Variants in TJP1 observed in about 807,000 individuals in gnomAD.
TJP1 encodes the protein tight junction protein 1, also known as tight junction protein ZO-1.
A neutral mutation model predicts 194.2 loss-of-function variants in TJP1; 43 were observed. The ratio of observed to expected loss-of-function variants is 0.22; its 90% confidence interval spans 0.17 to 0.29. The LOEUF (loss-of-function observed/expected upper bound fraction) is 0.29. Among genes scored for constraint, TJP1 ranks in the 10% least tolerant of loss-of-function variants. TJP1 has a pLI of 1.00. For synonymous variants in TJP1, 801 were observed against 779.0 expected (o/e 1.03, Z -0.47); for missense variants, 1,971 against 2,185.7 (o/e 0.90, Z 1.96).
intron 2 of TJP1, among the ~76,000 whole-genome samples, chr15:29,950,346 C>T (rs979886767): frequency 2.6e-5 from 4 of 151,784 alleles, no homozygotes; most frequent in African/African-American, 7.3e-5. Context: ...GCCACCACCA[C>T]CACCTCCATT....
intron 2 of TJP1, among the ~76,000 whole-genome samples, chr15:29,781,429 A>G (rs2047365177): frequency 6.6e-6 from 1 of 152,200 alleles, no homozygotes; most frequent in African/African-American, 2.4e-5. Context: ...AACTATTCCC[A>G]AAAACTGAAG....
At chr15:29,886,221 T>C (rs937548272) in intron 2 of TJP1, among the ~76,000 whole-genome samples, 1 of 152,216 alleles carries the variant, frequency 6.6e-6, no homozygotes. Flanking sequence ...GAAATGTCTC[T>C]GCAAAACTTA....
At chr15:29,948,841 C>T (rs781609715) in intron 2 of TJP1, among the ~76,000 whole-genome samples, 2 of 151,938 alleles carry the variant, frequency 1.3e-5, no homozygotes, top group Non-Finnish European at 2.9e-5. Context: ...GACCTCAGAA[C>T]GTGAAAGACT....
chr15:29,739,894 TAC>T (rs1385783588), intron 10 of TJP1, among the ~76,000 whole-genome samples: 1 of 152,226 alleles, frequency 6.6e-6, no homozygotes, highest in Non-Finnish European at 1.5e-5. Context: ...ATTAAAATTG[TAC>T]AGTTTTAAAC....
At chr15:29,871,883 GA>G (rs2052537832) in intron 2 of TJP1, among the ~76,000 whole-genome samples, 1 of 152,234 alleles carries the variant, frequency 6.6e-6, no homozygotes, top group African/African-American at 2.4e-5. Context: ...CATAAGACAT[GA>G]GAAGTATAAA....
chr15:29,705,490 A>C, intron 26 of TJP1, 38 bp downstream of exon 26: 1 of 1,601,770 alleles, frequency 6.2e-7, no homozygotes, highest in Non-Finnish European at 8.5e-7. Flanking sequence ...GGCAACTCTT[A>C]AGTTATCAAA....
chr15:29,942,808 G>T (rs1029874144), intron 2 of TJP1, among the ~76,000 whole-genome samples: 1 of 152,232 alleles, frequency 6.6e-6, no homozygotes, highest in Non-Finnish European at 1.5e-5. Context: ...GCTGGCAAGG[G>T]CAGGCCCGGG....
chr15:29,817,240 A>G (rs2049989828), intron 1 of TJP1, among the ~76,000 whole-genome samples: 1 of 152,230 alleles, frequency 6.6e-6, no homozygotes, highest in African/African-American at 2.4e-5. Context: ...AATGCTCATC[A>G]TCACCGATCA....
intron 4 of TJP1, among the ~76,000 whole-genome samples, chr15:29,769,073 CA>C (rs1205951429): frequency 1.3e-5 from 2 of 152,042 alleles, no homozygotes; most frequent in South Asian, 2.1e-4. Context: ...ACAACAAACA[CA>C]AACAACTTAC....
chr15:29,949,381 T>G (rs1218658472), intron 2 of TJP1, among the ~76,000 whole-genome samples: 1 of 34,034 alleles, frequency 2.9e-5, no homozygotes, highest in Non-Finnish European at 6.0e-5. Flanking sequence ...TCACCACTGC[T>G]ACCTCCACCA....
intron 2 of TJP1, among the ~76,000 whole-genome samples, chr15:29,941,986 T>A (rs1028413924): frequency 6.6e-6 from 1 of 152,148 alleles, no homozygotes; most frequent in African/African-American, 2.4e-5. Flanking sequence ...GCGGTCTCCA[T>A]GCCCGCCCAC....
At chr15:29,789,860 T>C (rs1225733613) in intron 2 of TJP1, among the ~76,000 whole-genome samples, 2 of 152,218 alleles carry the variant, frequency 1.3e-5, no homozygotes, top group Non-Finnish European at 2.9e-5. Flanking sequence ...GAACAAGCTT[T>C]CTGATTCCTC....
chr15:29,726,597 C>T (rs1269033069), intron 17 of TJP1, 118 bp from the exon 18 acceptor site: 2 of 1,192,202 alleles, frequency 1.7e-6, no homozygotes, highest in East Asian at 2.5e-5. Context: ...AGGATGCAAA[C>T]ATTTGAAATT....
At chr15:29,834,771 C>A (rs746121938) in intron 2 of TJP1, among the ~76,000 whole-genome samples, 1 of 152,084 alleles carries the variant, frequency 6.6e-6, no homozygotes, top group Non-Finnish European at 1.5e-5. Flanking sequence ...CAGCAAAAAC[C>A]GGCAGAAACC....
intron 1 of TJP1, among the ~76,000 whole-genome samples, chr15:29,967,445 T>A (rs980938243): frequency 6.6e-6 from 1 of 152,052 alleles, no homozygotes; most frequent in Non-Finnish European, 1.5e-5. Flanking sequence ...CCAAGCACAG[T>A]GGTAGACACC....
At chr15:29,805,561 G>A (rs1458915003) in intron 1 of TJP1, among the ~76,000 whole-genome samples, 1 of 152,096 alleles carries the variant, frequency 6.6e-6, no homozygotes, top group East Asian at 1.9e-4. Flanking sequence ...CAACAAACAT[G>A]TATCAGACAT....
chr15:29,850,354 G>A (rs573301121), intron 2 of TJP1, among the ~76,000 whole-genome samples: 8 of 152,018 alleles, frequency 5.3e-5, no homozygotes, highest in South Asian at 2.1e-4. Flanking sequence ...TGTTTGATAC[G>A]GAGTCTCACT....
intron 2 of TJP1, among the ~76,000 whole-genome samples, chr15:29,948,831 G>C (rs897171618): frequency 1.3e-5 from 2 of 151,924 alleles, no homozygotes; most frequent in African/African-American, 4.8e-5. Context: ...ACATTTCAAC[G>C]ACCTCAGAAC....
intron 2 of TJP1, among the ~76,000 whole-genome samples, chr15:29,853,563 A>G (rs1412328968): frequency 6.6e-6 from 1 of 152,226 alleles, no homozygotes; most frequent in Admixed American, 6.5e-5. Flanking sequence ...TAAATAAAAA[A>G]TATTAAAGAT....
Sources: allele counts gnomAD v4.1 joint callset (sites outside exome capture counted in the v4.1 genomes callset), GRCh38; gene constraint gnomAD v4.1.1; transcripts MANE v1.5; gene names NCBI Gene and HGNC (gene_info 2026-07-23, HGNC 2026-07-21).